The following TMEM132D variants were observed in gnomAD, a reference collection of about 807,000 sequenced individuals.
The protein encoded by TMEM132D is mature OL transmembrane protein.
A neutral mutation model predicts 62.3 loss-of-function variants in TMEM132D; 21 were observed. The observed-to-expected ratio is 0.34, with a 90% CI of 0.24 to 0.49. TMEM132D has a LOEUF of 0.49. Ranked by LOEUF, TMEM132D falls within the 20% of genes least tolerant of loss-of-function variation. TMEM132D has a pLI of 0.99. For missense variants in TMEM132D, 1,346 were observed against 1,402.8 expected, an observed-to-expected ratio of 0.96 and a Z score of 0.65; for synonymous variants, 621 against 575.6, an observed-to-expected ratio of 1.08 and a Z score of -1.13.
rs1361854240 is a variant in TMEM132D, at chr12:129,410,079, C to T, written c.1116-72262G>A. 2.6e-5 allele frequency among the ~76,000 whole-genome samples: 4 copies of T among 152,288 alleles called. No homozygotes were observed. In the East Asian group the frequency reaches 7.7e-4, roughly 29 times the overall value. ...ACTGCTACCCAGTGGAACTTTGTCCCATGATGGGTGTGTCCCAAGTGTGCC... is the reference window on the plus strand; with the variant it reads ...ACTGCTACCCAGTGGAACTTTGTCCTATGATGGGTGTGTCCCAAGTGTGCC... On this transcript the variant is annotated intron_variant, in intron 3 of 8. Coordinates refer to ENST00000422113, the MANE Select transcript of TMEM132D (RefSeq NM_133448.3).
intron 1 of TMEM132D, among the ~76,000 whole-genome samples, chr12:129,786,786 G>C (rs1341644804): frequency 2.0e-5 from 3 of 152,222 alleles, no homozygotes; most frequent in Non-Finnish European, 4.4e-5. Context: ...AGCTACTTGG[G>C]AGGCTGAGGC....
chr12:129,113,304 T>C (rs912087189), intron 5 of TMEM132D: 1 of 152,232 alleles, frequency 6.6e-6, no homozygotes, highest in Non-Finnish European at 1.5e-5. Context: ...CAATACTCAA[T>C]GTCTCAGTGA....
intron 5 of TMEM132D, among the ~76,000 whole-genome samples, chr12:129,173,068 C>A (rs1263923649): frequency 6.6e-6 from 1 of 152,064 alleles, no homozygotes; most frequent in Middle Eastern, 3.2e-3. Flanking sequence ...GATTGCAGAT[C>A]ACCATAACAG....
At chr12:129,340,879 T>G (rs1869455298) in intron 3 of TMEM132D, among the ~76,000 whole-genome samples, 1 of 152,228 alleles carries the variant, frequency 6.6e-6, no homozygotes, top group African/African-American at 2.4e-5. Flanking sequence ...AGGTTGTACC[T>G]TGAGCTTGTG....
chr12:129,216,160 C>T (rs1021987274), intron 4 of TMEM132D, among the ~76,000 whole-genome samples: 1 of 152,220 alleles, frequency 6.6e-6, no homozygotes, highest in Non-Finnish European at 1.5e-5. Context: ...TCAGCTATAA[C>T]ATGAGCATAA....
chr12:129,381,660 T>A (rs1870956089), intron 3 of TMEM132D, among the ~76,000 whole-genome samples: 1 of 151,912 alleles, frequency 6.6e-6, no homozygotes, highest in Non-Finnish European at 1.5e-5. Context: ...CTCTGCACAC[T>A]CCTTTGTATT....
chr12:129,516,902 C>T (rs563868425), intron 3 of TMEM132D, among the ~76,000 whole-genome samples: 7 of 152,290 alleles, frequency 4.6e-5, no homozygotes, highest in African/African-American at 1.2e-4. Flanking sequence ...GTTTTAGAGG[C>T]TTCCACATTC....
chr12:129,267,182 T>C (rs1349662726), intron 4 of TMEM132D, among the ~76,000 whole-genome samples: 1 of 152,166 alleles, frequency 6.6e-6, no homozygotes, highest in Non-Finnish European at 1.5e-5. Context: ...TTTTTTCTTT[T>C]TCTTTTTCAG....
At chr12:129,231,507 A>G (rs1402603499) in intron 4 of TMEM132D, among the ~76,000 whole-genome samples, 1 of 152,250 alleles carries the variant, frequency 6.6e-6, no homozygotes, top group African/African-American at 2.4e-5. Flanking sequence ...CCTCTAGTTC[A>G]GAGCAAGAAA....
At position 129,344,700 on chromosome 12, in the gene TMEM132D, C is replaced by A. The variant is rs188291682; in HGVS notation, c.1116-6883G>T. 2.5e-3 allele frequency among the ~76,000 whole-genome samples: 381 copies of A among 152,232 alleles called. 2 individuals carry two copies. The highest frequency in any genetic ancestry group is 8.7e-3 in the African/African-American group (363 of 41,546). On this transcript the variant is annotated intron_variant, in intron 3 of 8. Transcript: ENST00000422113. ...GCTCTTCATATTAACCTGCCTTTTT[C>A]TCTTGCTGCATGAATCAATTTCTTG...
intron 3 of TMEM132D, among the ~76,000 whole-genome samples, chr12:129,453,986 T>C (rs1445873587): frequency 6.6e-6 from 1 of 152,194 alleles, no homozygotes; most frequent in East Asian, 1.9e-4. Context: ...AAAGACCAGT[T>C]GGAGTTATCT....
intron 4 of TMEM132D, among the ~76,000 whole-genome samples, chr12:129,327,993 C>T (rs1368998460): frequency 6.6e-6 from 1 of 152,188 alleles, no homozygotes; most frequent in African/African-American, 2.4e-5. Context: ...TTTTTCCACT[C>T]GAAAGCACTC....
chr12:129,495,492 G>T (rs1874923318), intron 3 of TMEM132D, among the ~76,000 whole-genome samples: 1 of 152,122 alleles, frequency 6.6e-6, no homozygotes, highest in South Asian at 2.1e-4. Context: ...ACACATTCTA[G>T]CTGATGGGGG....
chr12:129,697,915 A>G (rs959062799), intron 2 of TMEM132D, among the ~76,000 whole-genome samples: 5 of 152,198 alleles, frequency 3.3e-5, no homozygotes, highest in Middle Eastern at 6.8e-3. Context: ...ACACACACAC[A>G]CACACACACA....
At chr12:129,507,702 C>A (rs528051342) in intron 3 of TMEM132D, among the ~76,000 whole-genome samples, 1 of 151,922 alleles carries the variant, frequency 6.6e-6, no homozygotes, top group South Asian at 2.1e-4. Flanking sequence ...TCTGGGGACT[C>A]AAGGGGAAAG....
intron 4 of TMEM132D, among the ~76,000 whole-genome samples, chr12:129,312,533 T>C (rs1479046193): frequency 6.6e-6 from 1 of 152,238 alleles, no homozygotes; most frequent in East Asian, 1.9e-4. Context: ...CTGCTGTATA[T>C]TAAGAATTTT....
intron 3 of TMEM132D, among the ~76,000 whole-genome samples, chr12:129,452,124 T>C (rs67186152): frequency 0.28 from 42,766 of 152,088 alleles, 6,469 homozygotes; most frequent in African/African-American, 0.39. Context: ...GCAGGAATCA[T>C]GATAGATGAT....
chr12:129,748,859 G>T (rs1170116660), intron 1 of TMEM132D, among the ~76,000 whole-genome samples: 1 of 152,146 alleles, frequency 6.6e-6, no homozygotes, highest in East Asian at 1.9e-4. Context: ...GAGAAACAAG[G>T]CTCATGTTCA....
intron 5 of TMEM132D, among the ~76,000 whole-genome samples, chr12:129,094,006 C>T (rs558026502): frequency 3.3e-5 from 5 of 152,086 alleles, no homozygotes; most frequent in South Asian, 2.1e-4. Context: ...GGATCCCTTC[C>T]TTACACCTTA....
Sources: allele counts gnomAD v4.1 joint callset (sites outside exome capture counted in the v4.1 genomes callset), GRCh38; gene constraint gnomAD v4.1.1; transcripts MANE v1.5; gene names NCBI Gene and HGNC (gene_info 2026-07-23, HGNC 2026-07-21).